Variants in NME4 observed in about 807,000 individuals in gnomAD.
The protein encoded by NME4 is nucleoside diphosphate kinase D, mitochondrial.
Under a neutral mutation model 16.4 loss-of-function variants are expected in NME4, and 21 were observed. The ratio of observed to expected loss-of-function variants is 1.28; its 90% CI spans 0.91 to 1.84. NME4 has a LOEUF of 1.84. NME4 is among the 40% of genes most tolerant of loss of function. The pLI is 0.00. For synonymous variants in NME4, 132 were observed against 107.5 expected, an observed-to-expected ratio of 1.23 and a Z score of -1.41; for missense variants, 316 against 261.3, an observed-to-expected ratio of 1.21 and a Z score of -1.44.
At position 399,448 on chromosome 16, in the gene NME4, C is replaced by A; in HGVS notation, c.295C>A (p.Arg99Ser). The A allele has an allele frequency of 6.2e-7, 1 of 1,612,954 alleles. No homozygotes were observed. Among genetic ancestry groups the A allele is most frequent in the Non-Finnish European group, 8.5e-7 (1 of 1,179,956 alleles). The change falls in exon 3 of 5, where the codon CGC (arginine) becomes AGC (serine). Residue 99 changes from arginine (R) to serine (S), a missense_variant. Arg to Ser is a moderately radical substitution (Grantham distance 110, BLOSUM62 -1). Transcript: ENST00000219479. ...GAAGCCCTTCTACCCTGCCCTCATC[C>A]GCTACATGAGCTCTGGGCCTGTGGT... ...RRKPFYPALI[R>S]YMSSGPVVAM...
At chr16:398,262 G>C (rs1481570970) in intron 1 of NME4, 1 of 1,392,086 alleles carries the variant, frequency 7.2e-7, no homozygotes, top group African/African-American at 1.4e-5. Flanking sequence ...CCCTGGGTCT[G>C]GAAGCGACAG....
At chr16:398,239 A>T in intron 1 of NME4, 1 of 1,424,376 alleles carries the variant, frequency 7.0e-7, no homozygotes, top group South Asian at 1.2e-5. Context: ...GCTGGGGCGG[A>T]GCTCAGCGCT....
rs1324098636 is a variant in NME4, at chr16:400,598, A to G, written c.*256A>G. On this transcript the variant is annotated 3_prime_UTR_variant, in exon 5 of 5. Transcript: ENST00000219479. ...TGTGGTGGGGGGGGGTCTTCACATT[A>G]TCATAACCTCTCCTCTAAAGGGGAG... The G allele has an allele frequency of 2.2e-6, 1 of 456,628 alleles. No homozygotes were observed. The highest frequency in any genetic ancestry group is 3.9e-5 in the Admixed American group (1 of 25,636). 28.3% of individuals were successfully genotyped at this position (456,628 alleles called of 1,614,324 possible).
In NME4 at chr16:400,460, C is replaced by G. The variant is rs991647004; in HGVS notation, c.*118C>G. ...AAACCACTTACTTCCCTGTTCACCTCTGCCCCACCCCAGCCCAGAGGAGTT... is the reference window on the plus strand; with the variant it reads ...AAACCACTTACTTCCCTGTTCACCTGTGCCCCACCCCAGCCCAGAGGAGTT... On this transcript the variant is annotated 3_prime_UTR_variant, in exon 5 of 5. Coordinates refer to ENST00000219479, the MANE Select transcript of NME4 (RefSeq NM_005009.3). The G allele has an allele frequency of 2.0e-5, 26 of 1,316,880 alleles. 2 individuals are homozygous for G. Among genetic ancestry groups the G allele is most frequent in the East Asian group, 9.7e-5 (4 of 41,154 alleles). The allele number at this position is 1,316,880 out of a possible 1,614,324, so 81.6% of individuals were successfully genotyped here.
At chr16:397,472 G>A (rs1344679322) in intron 1 of NME4, among the ~76,000 whole-genome samples, 159 bp downstream of exon 1, 1 of 139,386 alleles carries the variant, frequency 7.2e-6, no homozygotes, top group African/African-American at 2.6e-5. Context: ...GCGCCGGCTC[G>A]CACCCGCACG....
chr16:397,085 CGCCGGGCCACGGGGGTCCGGGGCG>C (rs2054556847), upstream of NME4: 1 of 161,008 alleles, frequency 6.2e-6, no homozygotes, highest in Non-Finnish European at 1.2e-5. Flanking sequence ...CCCCCGTGAG[CGCCGGGCCACGGGGGTCCGGGGCG>C]GCGGGGGGCT....
At chr16:398,048 C>T (rs975248038) in intron 1 of NME4, 7 of 1,531,048 alleles carry the variant, frequency 4.6e-6, no homozygotes, top group Non-Finnish European at 6.2e-6. Context: ...TTAACTTTTC[C>T]TCCTGGCCTG....
At chr16:399,321 G>T (rs2054609841) in intron 2 of NME4, 58 bp from the exon 3 acceptor site, 1 of 1,537,480 alleles carries the variant, frequency 6.5e-7, no homozygotes, top group African/African-American at 1.4e-5. Flanking sequence ...CATCACAGCT[G>T]CTGTGCTAGT....
Position 399,756 on chromosome 16 carries a change from A to G in NME4, c.440+17A>G, listed in dbSNP as rs1487726717. ...CATCAGCAGGTACGGGGGTCCTGAT[A>G]CACCAGGCTGCTGCTGGGGGCAAGG... On this transcript the variant is annotated intron_variant, in intron 4 of 4. Coordinates refer to ENST00000219479, the MANE Select transcript of NME4 (RefSeq NM_005009.3). The G allele has an allele frequency of 6.3e-7, 1 of 1,596,868 alleles. No individual in the cohort carries two copies. Among genetic ancestry groups the G allele is most frequent in the South Asian group, 1.1e-5 (1 of 90,756 alleles).
Position 400,325 on chromosome 16 carries a change from A to G in NME4, c.547A>G (p.Ser183Gly), listed in dbSNP as rs779063691. 11 of 1,604,368 alleles carry G rather than the reference A, an allele frequency of 6.9e-6. No homozygotes were observed. The highest frequency in any genetic ancestry group is 9.3e-6 in the Non-Finnish European group (11 of 1,178,372). Reference sequence around the variant, plus strand: ...CTGGGCAGACGGGGGCCAGCACAGCAGCATCCACCCAGCCTGAGGCTCAAG... The same window carrying G: ...CTGGGCAGACGGGGGCCAGCACAGCGGCATCCACCCAGCCTGAGGCTCAAG... ...VSWADGGQHS[S>G]IHPA Residue 183 changes from serine to glycine, a missense_variant, in exon 5 of 5, where the codon AGC becomes GGC. Coordinates refer to ENST00000219479, the MANE Select transcript of NME4 (RefSeq NM_005009.3).
At chr16:398,031 G>A in intron 1 of NME4, 1 of 1,534,594 alleles carries the variant, frequency 6.5e-7, no homozygotes, top group Non-Finnish European at 8.8e-7. Flanking sequence ...TCAGCCGCCT[G>A]CTGGGGTTAA....
chr16:397,323 GC>G lies in NME4; in HGVS notation c.91+12del. The G allele has an allele frequency of 9.7e-7, 1 of 1,030,580 alleles. No homozygotes were observed. Among genetic ancestry groups the G allele is most frequent in the Non-Finnish European group, 1.2e-6 (1 of 854,492 alleles). 63.8% of individuals were successfully genotyped at this position (1,030,580 alleles called of 1,614,324 possible). A position where few individuals can be genotyped will look rare whatever the true frequency, so the allele number is the denominator to read the frequency against. On this transcript the variant is annotated intron_variant, in intron 1 of 4. Coordinates refer to ENST00000219479, the MANE Select transcript of NME4 (RefSeq NM_005009.3). ...GTGCGCCACGGCTCGGGTGAGTGGGGCCGCGCGCCCCGGCGGGGACGCGGAG... is the reference window on the plus strand; with the variant it reads ...GTGCGCCACGGCTCGGGTGAGTGGGGCGCGCGCCCCGGCGGGGACGCGGAG...
At chr16:397,161 C>A, upstream of NME4, 2 of 737,762 alleles carry the variant, frequency 2.7e-6, no homozygotes, top group South Asian at 1.2e-4. Flanking sequence ...GGGCGGGTCT[C>A]GGGCTGGCAC....
intron 1 of NME4, chr16:398,089 G>T: frequency 6.5e-7 from 1 of 1,530,708 alleles, no homozygotes; most frequent in Non-Finnish European, 8.8e-7. Flanking sequence ...TCCAGATTCT[G>T]TGGGACATAC....
In NME4 at chr16:400,536, G is replaced by A. The variant is rs531349940; in HGVS notation, c.*194G>A. 1.7e-6 allele frequency: 1 copy of A among 593,818 alleles called. No individual in the cohort carries two copies. Among genetic ancestry groups the A allele is most frequent in the African/African-American group, 1.9e-5 (1 of 52,934 alleles). 36.8% of individuals were successfully genotyped at this position (593,818 alleles called of 1,614,324 possible). A position where few individuals can be genotyped will look rare whatever the true frequency, so the allele number is the denominator to read the frequency against. On this transcript the variant is annotated 3_prime_UTR_variant, in exon 5 of 5. Coordinates refer to ENST00000219479, the MANE Select transcript of NME4 (RefSeq NM_005009.3). The stretch of plus-strand genomic sequence containing the variant: ...TGTACCCCAAGCCAGCACAAGATTG[G>A]ACCAATCCTTTTTGCACCAAAGTGC...
chr16:399,382 C>T lies in NME4; in HGVS notation c.229C>T (p.Pro77Ser). 6.2e-7 allele frequency: 1 copy of T among 1,612,906 alleles called. No homozygotes were observed. The highest frequency in any genetic ancestry group is 8.5e-7 in the Non-Finnish European group (1 of 1,179,932). The part of the protein sequence containing the change: ...TLVGMKMLQA[P>S]ESVLAEHYQD... ...TCCTTACCTCAATGCCACCCAGGCA[C>T]CAGAGAGCGTCCTTGCCGAGCACTA... Residue 77 changes from proline (P) to serine (S), a missense_variant, in exon 3 of 5, where the codon CCA becomes TCA. Transcript: ENST00000219479.
intron 2 of NME4, 115 bp downstream of exon 2, chr16:399,238 G>A (rs2054608165): frequency 8.8e-6 from 13 of 1,473,848 alleles, no homozygotes; most frequent in Non-Finnish European, 1.2e-5. Context: ...CAGTTGAAGG[G>A]GCAGGAGGGA....
At chr16:398,297 G>A (rs1334202936) in intron 1 of NME4, 1 of 1,352,730 alleles carries the variant, frequency 7.4e-7, no homozygotes, top group Non-Finnish European at 9.8e-7. Context: ...CAGCAGCACA[G>A]GCCCCGTCTC....
At chr16:398,845 G>A (rs1264798890) in intron 1 of NME4, 145 bp from the exon 2 acceptor site, 2 of 1,095,624 alleles carry the variant, frequency 1.8e-6, no homozygotes, top group Non-Finnish European at 2.6e-6. Flanking sequence ...GTGGCTGTGG[G>A]CACCATCCCT....
Sources: gnomAD v4.1 joint callset for allele counts (sites outside exome capture counted in the v4.1 genomes callset) on GRCh38, gnomAD v4.1.1 for gene constraint, MANE v1.5 for transcripts, NCBI Gene and HGNC (gene_info 2026-07-23, HGNC 2026-07-21) for gene names.